LRRN1: variants seen among roughly 807,000 people sequenced by gnomAD.
The protein encoded by LRRN1 is leucine-rich repeat neuronal protein 1.
LRRN1 carries 14 observed loss-of-function variants against 45.8 expected under a neutral mutation model. The observed-to-expected ratio is 0.31, with a 90% confidence interval of 0.20 to 0.48. LRRN1 has a LOEUF of 0.48. LRRN1 is among the 20% of genes least tolerant of loss of function. The pLI is 0.99. For missense variants in LRRN1, 789 were observed against 874.2 expected (o/e 0.90, Z 1.23); for synonymous variants, 359 against 330.1 (o/e 1.09, Z -0.95).
intron 1 of LRRN1, among the ~76,000 whole-genome samples, chr3:3,823,262 A>G (rs182819143): frequency 3.3e-5 from 5 of 152,228 alleles, no homozygotes; most frequent in African/African-American, 1.2e-4. Flanking sequence ...GGGCTTTGAA[A>G]CCAAGACGAT....
At chr3:3,836,692 T>C (rs970622557) in intron 1 of LRRN1, among the ~76,000 whole-genome samples, 6 of 152,048 alleles carry the variant, frequency 3.9e-5, no homozygotes, top group Non-Finnish European at 5.9e-5. Context: ...TAGGAAGCAA[T>C]AGCATGCTTA....
chr3:3,834,525 G>GACATAT lies in LRRN1; in HGVS notation c.-278-9838_-278-9837insCATATA, dbSNP rs750534210. Among the ~76,000 whole-genome samples the GACATAT allele has an allele frequency of 2.1e-3, 58 of 27,328 alleles. 4 individuals carry two copies. The highest frequency in any genetic ancestry group is 8.3e-3 in the South Asian group (8 of 966). The allele number at this position is 27,328 out of a possible 152,430, so 17.9% of individuals were successfully genotyped here. ...GCGTTCTCTTAGAGGGACAGAACAG[G>GACATAT]ATATATATATATATATATATATATA... On this transcript the variant is annotated intron_variant, in intron 1 of 1. Coordinates refer to ENST00000319331, the MANE Select transcript of LRRN1 (RefSeq NM_020873.7).
At chr3:3,841,419 G>T (rs1293446854) in intron 1 of LRRN1, among the ~76,000 whole-genome samples, 1 of 151,732 alleles carries the variant, frequency 6.6e-6, no homozygotes, top group Non-Finnish European at 1.5e-5. Flanking sequence ...ACAATGTATT[G>T]TGGCCAGTGC....
intron 1 of LRRN1, among the ~76,000 whole-genome samples, chr3:3,804,427 G>A (rs1453085095): frequency 6.6e-6 from 1 of 152,122 alleles, no homozygotes; most frequent in Non-Finnish European, 1.5e-5. Flanking sequence ...CCTGAGATGC[G>A]GAGAATCTAG....
chr3:3,807,533 G>A (rs1682910), intron 1 of LRRN1, among the ~76,000 whole-genome samples: 91,591 of 152,134 alleles, frequency 0.6, 29,770 homozygotes, highest in Non-Finnish European at 0.74. Context: ...AGACTTGCAC[G>A]TCAGAACGAG....
At chr3:3,841,290 C>CAAAA (rs60477471) in intron 1 of LRRN1, among the ~76,000 whole-genome samples, 3,342 of 122,996 alleles carry the variant, frequency 0.027, 81 homozygotes, top group African/African-American at 0.031. Flanking sequence ...GACTTTGTCT[C>CAAAA]AAAAAAAAAA....
chr3:3,831,170 G>A (rs925621353), intron 1 of LRRN1, among the ~76,000 whole-genome samples: 10 of 152,254 alleles, frequency 6.6e-5, no homozygotes, highest in Middle Eastern at 3.4e-3. Flanking sequence ...TAAATGGGCC[G>A]GAGTAACACA....
chr3:3,812,184 C>T (rs1027523714), intron 1 of LRRN1, among the ~76,000 whole-genome samples: 10 of 152,182 alleles, frequency 6.6e-5, no homozygotes, highest in African/African-American at 1.9e-4. Context: ...GTTCCTTTCC[C>T]ATGTGGAGCT....
intron 1 of LRRN1, among the ~76,000 whole-genome samples, chr3:3,821,577 T>C (rs1158939910): frequency 1.3e-5 from 2 of 152,184 alleles, no homozygotes; most frequent in Admixed American, 1.3e-4. Context: ...GAATGTATTT[T>C]TAATTAAATC....
At position 3,827,379 on chromosome 3, in the gene LRRN1, G is replaced by A. The variant is rs550805450; in HGVS notation, c.-278-16985G>A. On this transcript the variant is annotated intron_variant, in intron 1 of 1. Coordinates refer to ENST00000319331, the MANE Select transcript of LRRN1 (RefSeq NM_020873.7). ...ATCAGCACTGGGGCCTGTAGCTGAA[G>A]GCAGAGTGGCCTTCAGGGACAGGAG... The A allele has an allele frequency of 8.8e-6, 4 of 454,578 alleles. No individual in the cohort carries two copies. In the East Asian group the frequency reaches 2.8e-4, roughly 32 times the overall value. The allele number at this position is 454,578 out of a possible 1,614,324, so 28.2% of individuals were successfully genotyped here. A position where few individuals can be genotyped will look rare whatever the true frequency, so the allele number is the denominator to read the frequency against.
In LRRN1 at chr3:3,848,446, G is replaced by A. The variant is rs1559318626; in HGVS notation, c.*1654G>A. On this transcript the variant is annotated 3_prime_UTR_variant, in exon 2 of 2. Transcript: ENST00000319331. ...AAAGGCAGCTGCCGCCAGGCACACAGCATTCCATCAGACAGGTGCCAGACA... is the reference window on the plus strand; with the variant it reads ...AAAGGCAGCTGCCGCCAGGCACACAACATTCCATCAGACAGGTGCCAGACA... Among the ~76,000 whole-genome samples, 3 of 152,162 alleles carry A rather than the reference G, an allele frequency of 2.0e-5. No homozygotes were observed.
At chr3:3,813,368 T>C (rs1231024666) in intron 1 of LRRN1, among the ~76,000 whole-genome samples, 2 of 152,232 alleles carry the variant, frequency 1.3e-5, no homozygotes, top group Non-Finnish European at 2.9e-5. Context: ...TTTGCCCTTG[T>C]AACAATTTGT....
Position 3,839,225 on chromosome 3 carries a change from T to C in LRRN1, c.-278-5139T>C, listed in dbSNP as rs907541397. The stretch of plus-strand genomic sequence containing the variant: ...CAACCTCATTCTTTTCATGTAGATA[T>C]CCAGTTTTCCTCACACAATTTGTTG... On this transcript the variant is annotated intron_variant, in intron 1 of 1. Transcript: ENST00000319331. 3.9e-5 allele frequency among the ~76,000 whole-genome samples: 6 copies of C among 152,182 alleles called. No individual in the cohort carries two copies. The East Asian group carries it at 9.6e-4, about 24-fold the overall frequency.
At chr3:3,826,864 A>T (rs1369011968) in intron 1 of LRRN1, among the ~76,000 whole-genome samples, 1 of 152,200 alleles carries the variant, frequency 6.6e-6, no homozygotes, top group Admixed American at 6.5e-5. Flanking sequence ...CCTTCCCAAG[A>T]GGAATAAAAT....
chr3:3,832,096 T>C (rs1693385226), intron 1 of LRRN1, among the ~76,000 whole-genome samples: 2 of 152,242 alleles, frequency 1.3e-5, no homozygotes, highest in Non-Finnish European at 2.9e-5. Flanking sequence ...GATAATCTGC[T>C]GTCATTCTCC....
chr3:3,835,164 C>T lies in LRRN1; in HGVS notation c.-278-9200C>T, dbSNP rs564471628. Reference sequence around the variant, plus strand: ...CTTATGATAGGGTTACGTCCTGATACACCCATCTTAAGTTGAAAATATCAT... The same window carrying T: ...CTTATGATAGGGTTACGTCCTGATATACCCATCTTAAGTTGAAAATATCAT... On this transcript the variant is annotated intron_variant, in intron 1 of 1. Coordinates refer to ENST00000319331, the MANE Select transcript of LRRN1 (RefSeq NM_020873.7). Among the ~76,000 whole-genome samples the T allele has an allele frequency of 1.5e-4, 23 of 152,314 alleles. No homozygotes were observed. The South Asian group carries it at 4.2e-3, about 27-fold the overall frequency.
At chr3:3,805,693 G>T (rs1289232166) in intron 1 of LRRN1, among the ~76,000 whole-genome samples, 1 of 152,168 alleles carries the variant, frequency 6.6e-6, no homozygotes, top group African/African-American at 2.4e-5. Context: ...ATAGCTAAGA[G>T]ATTTTGTTGT....
chr3:3,813,119 G>A (rs999679770), intron 1 of LRRN1, among the ~76,000 whole-genome samples: 4 of 152,102 alleles, frequency 2.6e-5, no homozygotes, highest in Non-Finnish European at 5.9e-5. Context: ...TATCATTCTC[G>A]TTCATGAACT....
At position 3,846,633 on chromosome 3, in the gene LRRN1, A is replaced by G; in HGVS notation, c.1992A>G (p.Ser664=). 6.2e-7 allele frequency: 1 copy of G among 1,614,090 alleles called. No homozygotes were observed. The highest frequency in any genetic ancestry group is 1.3e-5 in the African/African-American group (1 of 75,046). The part of the protein sequence containing the change: ...KRFKRKNYHH[S]LKKYMQKTSS... Reference sequence around the variant, plus strand: ...TTAAGAGAAAAAACTACCACCACTCATTAAAAAAGTATATGCAAAAAACCT... The same window carrying G: ...TTAAGAGAAAAAACTACCACCACTCGTTAAAAAAGTATATGCAAAAAACCT... Residue 664 remains serine, a synonymous_variant, in exon 2 of 2, where the codon TCA becomes TCG. Coordinates refer to ENST00000319331, the MANE Select transcript of LRRN1 (RefSeq NM_020873.7). The surrounding 1 kb of genome is among the most constrained non-coding windows in gnomAD (Gnocchi z 5.7).
Sources: gnomAD v4.1 joint callset for allele counts (sites outside exome capture counted in the v4.1 genomes callset) on GRCh38, gnomAD v4.1.1 for gene constraint, Gnocchi (gnomAD v3.1) non-coding constraint, MANE v1.5 for transcripts, NCBI Gene and HGNC (gene_info 2026-07-23, HGNC 2026-07-21) for gene names.